Variants in ARK2C observed in about 807,000 individuals in gnomAD.
ARK2C encodes the protein arkadia (RNF111) C-terminal like ring finger ubiquitin ligase 2C.
At chr18:46,390,333 G>C in the ARK2C span, among the ~76,000 whole-genome samples, 1 of 152,210 alleles carries the variant, frequency 6.6e-6, no homozygotes, top group African/African-American at 2.4e-5. Context: ...CTTCCTGCCC[G>C]CTGGGTGTTG....
At chr18:46,334,671 CGTGTGTGT>C in the ARK2C span, 6,478 of 304,012 alleles carry the variant, frequency 0.021, 353 homozygotes, top group African/African-American at 0.14. This position sits in a 1 kb window ranked among gnomAD's most constrained non-coding sequence, Gnocchi z 4.4. Flanking sequence ...GATACATGAC[CGTGTGTGT>C]GTGTGTGTGT....
At chr18:46,388,501 C>T in the ARK2C span, among the ~76,000 whole-genome samples, 1 of 152,174 alleles carries the variant, frequency 6.6e-6, no homozygotes, top group African/African-American at 2.4e-5. Context: ...GATCGGGCAG[C>T]AAGACACACA....
the ARK2C span, among the ~76,000 whole-genome samples, chr18:46,416,135 G>A: frequency 3.9e-5 from 6 of 152,192 alleles, no homozygotes; most frequent in African/African-American, 7.2e-5. Context: ...GGAAAAGGCT[G>A]GGTGTGGGAG....
At chr18:46,419,085 G>A in the ARK2C span, among the ~76,000 whole-genome samples, 14 of 152,178 alleles carry the variant, frequency 9.2e-5, no homozygotes, top group East Asian at 1.7e-3. Flanking sequence ...TGATGTCCCC[G>A]AGTTCACCCC....
chr18:46,462,853 G>C, the ARK2C span: 1 of 152,260 alleles, frequency 6.6e-6, no homozygotes, highest in Non-Finnish European at 1.5e-5. Context: ...ACCAGCCCTC[G>C]AGGGGGTAAT....
the ARK2C span, among the ~76,000 whole-genome samples, chr18:46,400,280 A>G: frequency 3.3e-5 from 5 of 151,898 alleles, no homozygotes; most frequent in Admixed American, 3.3e-4. Context: ...GACTCTCTTT[A>G]CTTGGGCTTG....
chr18:46,394,131 C>G, the ARK2C span, among the ~76,000 whole-genome samples: 178 of 152,268 alleles, frequency 1.2e-3, no homozygotes, highest in African/African-American at 4.1e-3. Flanking sequence ...CACTTGGATG[C>G]AAGTGACTAG....
At chr18:46,334,592 G>A in the ARK2C span, 1 of 488,742 alleles carries the variant, frequency 2.0e-6, no homozygotes. The surrounding 1 kb of genome is among the most constrained non-coding windows in gnomAD (Gnocchi z 4.4). Context: ...ATTTTTTGCG[G>A]CGGACGTGGT....
the ARK2C span, among the ~76,000 whole-genome samples, chr18:46,356,147 T>G: frequency 4.8e-4 from 73 of 152,366 alleles, no homozygotes; most frequent in Middle Eastern, 3.4e-3. Flanking sequence ...CTCTGTGATA[T>G]GCAGAAGCTG....
chr18:46,451,208 G>A, the ARK2C span, among the ~76,000 whole-genome samples: 1 of 152,136 alleles, frequency 6.6e-6, no homozygotes, highest in Non-Finnish European at 1.5e-5. Context: ...GAACAAATGG[G>A]AAAGCAAGGC....
chr18:46,459,065 C>G, the ARK2C span: 1 of 152,368 alleles, frequency 6.6e-6, no homozygotes, highest in African/African-American at 2.4e-5. Flanking sequence ...AAGAATTCAT[C>G]GGAAGATGGC....
Sources: gnomAD v4.1 joint callset for allele counts (sites outside exome capture counted in the v4.1 genomes callset) on GRCh38, gnomAD v4.1.1 for gene constraint, Gnocchi (gnomAD v3.1) non-coding constraint, MANE v1.5 for transcripts, NCBI Gene and HGNC (gene_info 2026-07-23, HGNC 2026-07-21) for gene names.